Variants in ELMO1 observed in about 807,000 individuals in gnomAD.
ELMO1 encodes engulfment and cell motility protein 1.
Under a neutral mutation model 98.9 loss-of-function variants are expected in ELMO1, and 26 were observed. The ratio of observed to expected loss-of-function variants is 0.26; its 90% confidence interval spans 0.19 to 0.36. The LOEUF (loss-of-function observed/expected upper bound fraction) is 0.36. ELMO1 is among the 10% of genes least tolerant of loss of function. The probability of loss-of-function intolerance (pLI) is 1.00; values close to 1 mark genes in which losing one functional copy is unlikely to be tolerated. For synonymous variants in ELMO1, 346 were observed against 346.0 expected (o/e 1.00, Z 0.00); for missense variants, 627 against 935.2 (o/e 0.67, Z 4.30).
intron 16 of ELMO1, among the ~76,000 whole-genome samples, chr7:36,915,332 A>C (rs1315952360): frequency 6.6e-6 from 1 of 152,240 alleles, no homozygotes; most frequent in African/African-American, 2.4e-5. Flanking sequence ...AACACTACTC[A>C]TAATATATGC....
At chr7:37,058,252 T>C (rs1318815381) in intron 15 of ELMO1, among the ~76,000 whole-genome samples, 1 of 152,206 alleles carries the variant, frequency 6.6e-6, no homozygotes, top group Non-Finnish European at 1.5e-5. Flanking sequence ...CATATAAATG[T>C]AAAGTCATCT....
intron 13 of ELMO1, among the ~76,000 whole-genome samples, chr7:37,135,194 G>C (rs1357358377): frequency 6.6e-6 from 1 of 152,130 alleles, no homozygotes. Context: ...ATTAATTACT[G>C]AAAACAATGA....
chr7:36,929,146 G>A (rs1785822371), intron 16 of ELMO1, among the ~76,000 whole-genome samples: 2 of 152,322 alleles, frequency 1.3e-5, no homozygotes, highest in Non-Finnish European at 2.9e-5. Context: ...TGCCTCTAAT[G>A]GGGTAAGCTT....
At chr7:37,391,006 CCCTTCCTT>C (rs56315543) in intron 1 of ELMO1, among the ~76,000 whole-genome samples, 7,205 of 130,102 alleles carry the variant, frequency 0.055, 301 homozygotes, top group African/African-American at 0.12. Context: ...GGAAAGTAGT[CCCTTCCTT>C]CCTTCCTTCC....
intron 5 of ELMO1, 41 bp downstream of exon 5, chr7:37,271,791 G>C (rs777998899): frequency 1.9e-6 from 3 of 1,602,938 alleles, no homozygotes; most frequent in Non-Finnish European, 8.5e-7. Context: ...GAAACGCAGA[G>C]CAAAGAGTTT....
At chr7:37,189,046 G>C (rs1034721536) in intron 13 of ELMO1, among the ~76,000 whole-genome samples, 9 of 152,166 alleles carry the variant, frequency 5.9e-5, no homozygotes, top group Admixed American at 2.6e-4. Context: ...TAAGCTGTAG[G>C]TGTATTTGCT....
chr7:37,238,019 C>T (rs1794571760), intron 7 of ELMO1, among the ~76,000 whole-genome samples: 1 of 152,166 alleles, frequency 6.6e-6, no homozygotes, highest in African/African-American at 2.4e-5. Flanking sequence ...TATTCTAGGT[C>T]CCACACATTA....
intron 1 of ELMO1, among the ~76,000 whole-genome samples, chr7:37,359,166 C>T (rs140009728): frequency 2.0e-5 from 3 of 152,316 alleles, no homozygotes; most frequent in East Asian, 3.9e-4. Flanking sequence ...AAGTCCAAGC[C>T]GTCAGTGCCA....
chr7:36,990,680 CT>C (rs903333597), intron 16 of ELMO1, among the ~76,000 whole-genome samples: 3 of 152,044 alleles, frequency 2.0e-5, no homozygotes, highest in Non-Finnish European at 4.4e-5. Context: ...AATTTTATTC[CT>C]TTCCATAAGC....
chr7:37,108,798 G>A (rs373318611), intron 14 of ELMO1, among the ~76,000 whole-genome samples: 1 of 152,130 alleles, frequency 6.6e-6, no homozygotes, highest in East Asian at 1.9e-4. Context: ...TGGACAGTAC[G>A]AGTCATGACT....
chr7:36,996,542 G>A (rs1205440076), intron 16 of ELMO1, among the ~76,000 whole-genome samples: 1 of 152,170 alleles, frequency 6.6e-6, no homozygotes, highest in African/African-American at 2.4e-5. Flanking sequence ...TTGGAATTCT[G>A]CAGCATTGCC....
intron 16 of ELMO1, among the ~76,000 whole-genome samples, chr7:36,925,100 C>A (rs899044578): frequency 2.0e-5 from 3 of 152,116 alleles, no homozygotes; most frequent in African/African-American, 7.2e-5. Context: ...AATTATCCAG[C>A]CCAGAATGCC....
At chr7:37,105,257 G>A (rs1484417730) in intron 14 of ELMO1, among the ~76,000 whole-genome samples, 10 of 152,190 alleles carry the variant, frequency 6.6e-5, no homozygotes, top group Admixed American at 6.5e-4. Flanking sequence ...GATGACTTCT[G>A]TTTGTGCCTA....
intron 4 of ELMO1, among the ~76,000 whole-genome samples, chr7:37,291,661 TC>T (rs1246146837): frequency 6.6e-6 from 1 of 152,160 alleles, no homozygotes; most frequent in Non-Finnish European, 1.5e-5. Context: ...ATGCTTATAA[TC>T]CCAGCACTGT....
chr7:37,445,183 C>T (rs913168389), intron 1 of ELMO1, among the ~76,000 whole-genome samples: 2 of 152,196 alleles, frequency 1.3e-5, no homozygotes, highest in African/African-American at 4.8e-5. Flanking sequence ...TGGGTTACAG[C>T]CGTAAGCTTA....
At chr7:37,067,412 A>G (rs1039890834) in intron 15 of ELMO1, among the ~76,000 whole-genome samples, 1 of 152,236 alleles carries the variant, frequency 6.6e-6, no homozygotes, top group Non-Finnish European at 1.5e-5. Flanking sequence ...ATGTGCAACA[A>G]AGAGCGACAG....
chr7:37,131,688 G>A (rs1048303006), intron 14 of ELMO1, among the ~76,000 whole-genome samples: 7 of 152,206 alleles, frequency 4.6e-5, no homozygotes, highest in East Asian at 1.9e-4. Flanking sequence ...AAATATATTC[G>A]CATATAAGTC....
At position 37,175,117 on chromosome 7, in the gene ELMO1, A is replaced by G. The variant is rs550439222; in HGVS notation, c.1086+36269T>C. 9.2e-5 allele frequency among the ~76,000 whole-genome samples: 14 copies of G among 152,342 alleles called. No individual in the cohort carries two copies. In the South Asian group the frequency reaches 1.9e-3, roughly 20 times the overall value. On this transcript the variant is annotated intron_variant, in intron 13 of 21. Coordinates refer to ENST00000310758, the MANE Select transcript of ELMO1 (RefSeq NM_014800.11). Reference sequence around the variant, plus strand: ...AGGAAGGCGGGAAAAGAAAAGAGAAACAGCATTTGAAACACTGCAAAGAGA... The same window carrying G: ...AGGAAGGCGGGAAAAGAAAAGAGAAGCAGCATTTGAAACACTGCAAAGAGA...
At chr7:37,309,084 A>C in intron 4 of ELMO1, among the ~76,000 whole-genome samples, 1 of 152,204 alleles carries the variant, frequency 6.6e-6, no homozygotes, top group Non-Finnish European at 1.5e-5. Flanking sequence ...GTCCGTTCTC[A>C]TGCTGCTAAT....
Sources: gnomAD v4.1 joint callset for allele counts (sites outside exome capture counted in the v4.1 genomes callset) on GRCh38, gnomAD v4.1.1 for gene constraint, MANE v1.5 for transcripts, NCBI Gene and HGNC (gene_info 2026-07-23, HGNC 2026-07-21) for gene names.